PIGK: variants seen among roughly 807,000 people sequenced by gnomAD.
PIGK encodes the protein GPI-anchor transamidase.
A neutral mutation model predicts 50.6 loss-of-function variants in PIGK; 42 were observed. The observed-to-expected ratio is 0.83, with a 90% CI of 0.65 to 1.07. The LOEUF (loss-of-function observed/expected upper bound fraction) is 1.07. Ranked by LOEUF, PIGK falls within the 50% of genes least tolerant of loss-of-function variation. The pLI, the probability that PIGK is intolerant of heterozygous loss-of-function variation, is 0.00. For missense variants in PIGK, 448 were observed against 488.7 expected (o/e 0.92, Z 0.78); for synonymous variants, 151 against 156.0 (o/e 0.97, Z 0.24).
At position 77,163,998 on chromosome 1, in the gene PIGK, T is replaced by C. The variant is rs1655182729; in HGVS notation, c.488-56A>G. On this transcript the variant is annotated intron_variant, in intron 5 of 10. Transcript: ENST00000370812. Reference sequence around the variant, plus strand: ...TTTTTTAATGCAAACTGCATATATCTAGATATATACATTTACTTCATTCAT... The same window carrying C: ...TTTTTTAATGCAAACTGCATATATCCAGATATATACATTTACTTCATTCAT... The C allele has an allele frequency of 4.5e-6, 4 of 889,750 alleles. No individual in the cohort carries two copies. In the Admixed American group the frequency reaches 6.3e-5, roughly 14 times the overall value. The allele number at this position is 889,750 out of a possible 1,614,324, so 55.1% of individuals were successfully genotyped here. A position where few individuals can be genotyped will look rare whatever the true frequency, so the allele number is the denominator to read the frequency against.
chr1:77,122,833 G>C (rs1040846548), intron 9 of PIGK, among the ~76,000 whole-genome samples: 1 of 152,058 alleles, frequency 6.6e-6, no homozygotes, highest in African/African-American at 2.4e-5. Context: ...TGTTATATCT[G>C]TTTGGACCAA....
intron 9 of PIGK, among the ~76,000 whole-genome samples, chr1:77,143,263 T>A (rs1174635860): frequency 6.6e-6 from 1 of 152,126 alleles, no homozygotes; most frequent in Admixed American, 6.6e-5. Context: ...AATTTCTTGG[T>A]CAAGTATTTA....
At chr1:77,122,677 T>C (rs1654128846) in intron 9 of PIGK, among the ~76,000 whole-genome samples, 2 of 152,104 alleles carry the variant, frequency 1.3e-5, no homozygotes, top group Non-Finnish European at 1.5e-5. Flanking sequence ...CACTTAAAGG[T>C]CTTCAAAACC....
intron 10 of PIGK, among the ~76,000 whole-genome samples, chr1:77,119,852 C>T (rs1654054933): frequency 6.6e-6 from 1 of 151,882 alleles, no homozygotes; most frequent in South Asian, 2.1e-4. Context: ...TCCTGGCTTT[C>T]AACATACCAT....
intron 9 of PIGK, among the ~76,000 whole-genome samples, chr1:77,124,883 T>C (rs1345135446): frequency 6.6e-6 from 1 of 152,192 alleles, no homozygotes; most frequent in Non-Finnish European, 1.5e-5. Context: ...AAATGATGTA[T>C]TTTTGTTTGT....
intron 9 of PIGK, among the ~76,000 whole-genome samples, chr1:77,145,636 C>T (rs1654752025): frequency 6.6e-6 from 1 of 151,942 alleles, no homozygotes; most frequent in Non-Finnish European, 1.5e-5. Flanking sequence ...AATTCAATCC[C>T]AATCAAAATC....
At chr1:77,119,533 T>C (rs549926732) in intron 10 of PIGK, among the ~76,000 whole-genome samples, 50 of 152,348 alleles carry the variant, frequency 3.3e-4, no homozygotes, top group Middle Eastern at 3.4e-3. Flanking sequence ...TTGAGTCTCC[T>C]GGGTTTCCTA....
chr1:77,113,746 T>C (rs1238082204), intron 10 of PIGK, among the ~76,000 whole-genome samples: 1 of 152,120 alleles, frequency 6.6e-6, no homozygotes, highest in Non-Finnish European at 1.5e-5. Context: ...CTTAAGGCCA[T>C]TGCACTACTT....
chr1:77,193,810 C>G (rs929908810), intron 3 of PIGK, among the ~76,000 whole-genome samples: 3 of 152,062 alleles, frequency 2.0e-5, no homozygotes, highest in Non-Finnish European at 2.9e-5. Context: ...ATACCAAAAG[C>G]AATTGCAACG....
intron 3 of PIGK, among the ~76,000 whole-genome samples, chr1:77,181,434 G>A (rs963807821): frequency 1.9e-4 from 29 of 151,980 alleles, no homozygotes; most frequent in African/African-American, 5.3e-4. Flanking sequence ...AAATTTTCAC[G>A]GAATGAAATT....
intron 3 of PIGK, among the ~76,000 whole-genome samples, chr1:77,205,362 A>G (rs964176470): frequency 1.3e-5 from 2 of 151,272 alleles, no homozygotes; most frequent in African/African-American, 4.9e-5. Flanking sequence ...GACTTAATGT[A>G]ATTTTAAAAT....
intron 9 of PIGK, among the ~76,000 whole-genome samples, chr1:77,124,429 T>A (rs189114844): frequency 2.0e-5 from 3 of 151,934 alleles, no homozygotes; most frequent in African/African-American, 7.2e-5. Context: ...GCCAACACAG[T>A]GAAACCTCGT....
chr1:77,132,021 C>T (rs760311239), intron 9 of PIGK, among the ~76,000 whole-genome samples: 3 of 151,942 alleles, frequency 2.0e-5, no homozygotes, highest in Non-Finnish European at 4.4e-5. Flanking sequence ...GGAAAGGGTA[C>T]ATGTTTTATA....
chr1:77,155,748 G>A (rs746209657), intron 8 of PIGK, among the ~76,000 whole-genome samples: 3 of 152,136 alleles, frequency 2.0e-5, no homozygotes, highest in Non-Finnish European at 4.4e-5. Flanking sequence ...AGGCCTGCCA[G>A]GAAGGGTCCA....
chr1:77,172,624 T>C (rs894262836), intron 3 of PIGK, among the ~76,000 whole-genome samples: 11 of 152,060 alleles, frequency 7.2e-5, no homozygotes, highest in African/African-American at 2.7e-4. Context: ...AAATTTGGCT[T>C]TTAAAAATTC....
At chr1:77,217,302 A>G (rs1256384537) in intron 1 of PIGK, among the ~76,000 whole-genome samples, 8 of 152,204 alleles carry the variant, frequency 5.3e-5, no homozygotes, top group Admixed American at 4.6e-4. Flanking sequence ...AAGTTTTCCT[A>G]AAGAAGTGAC....
chr1:77,171,139 A>G (rs1655349366), intron 3 of PIGK, among the ~76,000 whole-genome samples: 1 of 152,168 alleles, frequency 6.6e-6, no homozygotes. Flanking sequence ...ATGGCAATAT[A>G]AAAATGAATA....
At chr1:77,114,994 A>G (rs1653930228) in intron 10 of PIGK, among the ~76,000 whole-genome samples, 1 of 152,194 alleles carries the variant, frequency 6.6e-6, no homozygotes, top group African/African-American at 2.4e-5. Context: ...ATAATTCAAT[A>G]GGCACATTTT....
At chr1:77,121,095 A>G (rs1447659517) in intron 10 of PIGK, among the ~76,000 whole-genome samples, 1 of 152,184 alleles carries the variant, frequency 6.6e-6, no homozygotes, top group African/African-American at 2.4e-5. Context: ...GGCAGATTCT[A>G]TTTACCAATT....
Sources: allele counts gnomAD v4.1 joint callset (sites outside exome capture counted in the v4.1 genomes callset), GRCh38; gene constraint gnomAD v4.1.1; transcripts MANE v1.5; gene names NCBI Gene and HGNC (gene_info 2026-07-23, HGNC 2026-07-21).